SSX2IP: variants seen among roughly 807,000 people sequenced by gnomAD.
The protein encoded by SSX2IP is SSX family member 2 interacting protein, also known as afadin- and alpha-actinin-binding protein.
A neutral mutation model predicts 84.9 loss-of-function variants in SSX2IP; 55 were observed. The ratio of observed to expected loss-of-function variants is 0.65; its 90% CI spans 0.52 to 0.81. SSX2IP has a LOEUF of 0.81. Among genes scored for constraint, SSX2IP ranks in the 30% least tolerant of loss-of-function variants. SSX2IP has a pLI of 0.00. For missense variants in SSX2IP, 664 were observed against 705.2 expected (o/e 0.94, Z 0.66); for synonymous variants, 239 against 234.7 (o/e 1.02, Z -0.17).
At chr1:84,671,102 ATTATT>A (rs1455483811) in intron 2 of SSX2IP, 70 bp downstream of exon 2, 64 of 1,530,826 alleles carry the variant, frequency 4.2e-5, no homozygotes, top group Non-Finnish European at 5.4e-5. Context: ...ATCTGCAGTA[ATTATT>A]TTATATTTTC....
At chr1:84,685,072 G>T (rs933771017) in intron 1 of SSX2IP, among the ~76,000 whole-genome samples, 1 of 152,166 alleles carries the variant, frequency 6.6e-6, no homozygotes, top group South Asian at 2.1e-4. Flanking sequence ...ATGAGCCAAG[G>T]AATATAAACT....
At chr1:84,654,119 T>C (rs1484838264) in intron 11 of SSX2IP, among the ~76,000 whole-genome samples, 3 of 152,030 alleles carry the variant, frequency 2.0e-5, no homozygotes, top group Non-Finnish European at 2.9e-5. Context: ...CTAACAAAAG[T>C]TCCAGAACAC....
At position 84,670,790 on chromosome 1, in the gene SSX2IP, G is replaced by A. The variant is rs139478404; in HGVS notation, c.69C>T (p.Thr23=). The part of the protein sequence containing the change: ...SSESKTISQY[T]SETKMSPSSL... ...TTGATGGAGACATCTTTGTTTCTGA[G>A]GTATATTGAGAGATAGTTTTGCTTT... The change falls in exon 3 of 14, where the codon ACC becomes ACT. Residue 23 remains threonine (T), a synonymous_variant. Transcript: ENST00000342203. The A allele has an allele frequency of 1.9e-6, 3 of 1,608,958 alleles. No homozygotes were observed. Among genetic ancestry groups the A allele is most frequent in the Non-Finnish European group, 1.7e-6 (2 of 1,177,754 alleles).
intron 13 of SSX2IP, chr1:84,649,922 GGAACA>G: frequency 1.9e-6 from 1 of 537,342 alleles, no homozygotes; most frequent in Non-Finnish European, 3.7e-6. Context: ...TCACTCAACA[GGAACA>G]GGCTTTTCTC....
intron 1 of SSX2IP, among the ~76,000 whole-genome samples, chr1:84,682,847 C>G (rs1655270739): frequency 6.6e-6 from 1 of 152,014 alleles, no homozygotes; most frequent in Non-Finnish European, 1.5e-5. Flanking sequence ...TCTTTACAAC[C>G]CAATGTTTAG....
intron 12 of SSX2IP, 32 bp from the exon 13 acceptor site, chr1:84,650,559 T>C (rs1192826004): frequency 6.2e-6 from 10 of 1,611,876 alleles, no homozygotes; most frequent in Non-Finnish European, 8.5e-6. Flanking sequence ...AAAAAGGCAG[T>C]ACATATGGTG....
At chr1:84,676,836 C>T (rs1331808522) in intron 1 of SSX2IP, among the ~76,000 whole-genome samples, 2 of 149,112 alleles carry the variant, frequency 1.3e-5, no homozygotes, top group Non-Finnish European at 3.0e-5. Context: ...GATTCTCCTG[C>T]CTCAGCCTTC....
chr1:84,650,434 A>C lies in SSX2IP; in HGVS notation c.1598T>G (p.Leu533Arg). 1 of 1,614,206 alleles carries C rather than the reference A, an allele frequency of 6.2e-7. No homozygotes were observed. The highest frequency in any genetic ancestry group is 8.5e-7 in the Non-Finnish European group (1 of 1,180,028). The change falls in exon 13 of 14, where the codon CTT becomes CGT. Residue 533 changes from leucine (L) to arginine (R), a missense_variant. By Grantham distance (102) the Leu-to-Arg change is moderately radical (BLOSUM62 -2). Transcript: ENST00000342203. ...AGGTGAAGCAGGAAGAGATTTAGTA[A>C]GTTTAGACATGCAAACTGGAGACCC... is the stretch of plus-strand genomic sequence containing the variant. The part of the protein sequence containing the change: ...SNGSPVCMSK[L>R]TKSLPASPST...
chr1:84,674,271 C>T (rs1004439050), intron 1 of SSX2IP, among the ~76,000 whole-genome samples: 3 of 152,046 alleles, frequency 2.0e-5, no homozygotes, highest in Admixed American at 6.5e-5. Flanking sequence ...AGAAGACACA[C>T]ATAAGCTAAT....
chr1:84,684,905 A>C (rs1414044610), intron 1 of SSX2IP, among the ~76,000 whole-genome samples: 1 of 151,952 alleles, frequency 6.6e-6, no homozygotes, highest in African/African-American at 2.4e-5. Context: ...ACTATAAAAG[A>C]CACCGAGAGA....
rs901617954 is a variant in SSX2IP at position 84,677,253 on chromosome 1, G to A, written c.-89-5945C>T. On this transcript the variant is annotated intron_variant, in intron 1 of 13. Transcript: ENST00000342203. The stretch of plus-strand genomic sequence containing the variant: ...TACTTGTAAAATTGGTCTCTGCTTG[G>A]CCACAAACAATAGCTTTGTTCTTGT... Among the ~76,000 whole-genome samples, 5 of 152,152 alleles carry A rather than the reference G, an allele frequency of 3.3e-5. No homozygotes were observed. The East Asian group carries it at 9.7e-4, about 29-fold the overall frequency.
intron 6 of SSX2IP, among the ~76,000 whole-genome samples, chr1:84,664,109 G>A (rs1156626548): frequency 1.3e-5 from 2 of 152,158 alleles, no homozygotes; most frequent in Non-Finnish European, 1.5e-5. Flanking sequence ...AACTGACACT[G>A]ATTTTTAATA....
At chr1:84,688,416 T>G (rs934404131) in intron 1 of SSX2IP, among the ~76,000 whole-genome samples, 1 of 152,162 alleles carries the variant, frequency 6.6e-6, no homozygotes, top group Admixed American at 6.5e-5. Context: ...AAAAATAACT[T>G]AAAAATCTTT....
chr1:84,690,323 C>T (rs1327921214), intron 1 of SSX2IP, 48 bp downstream of exon 1: 1 of 151,010 alleles, frequency 6.6e-6, no homozygotes, highest in African/African-American at 2.4e-5. Flanking sequence ...GCCCGCCCCT[C>T]CCTGGCGGGG....
chr1:84,655,671 T>C (rs1421602181), intron 11 of SSX2IP, 161 bp downstream of exon 11: 3 of 1,477,078 alleles, frequency 2.0e-6, no homozygotes, highest in South Asian at 1.3e-5. Flanking sequence ...GATCCCATTC[T>C]ATATGCTCAG....
chr1:84,687,600 C>T (rs1655976869), intron 1 of SSX2IP, among the ~76,000 whole-genome samples: 1 of 152,192 alleles, frequency 6.6e-6, no homozygotes, highest in Non-Finnish European at 1.5e-5. Context: ...TTTCTGAGGG[C>T]TTCAGCAAAA....
At position 84,644,855 on chromosome 1, in the gene SSX2IP, C is replaced by G. The variant is rs996628839; in HGVS notation, c.*2578G>C. On this transcript the variant is annotated 3_prime_UTR_variant, in exon 14 of 14. Transcript: ENST00000342203. ...TTATGCCATGTAAGTAAACAATTTG[C>G]TGTGAACTGTCCTGTGTATCTAATC... 12 of 152,230 alleles carry G rather than the reference C, an allele frequency of 7.9e-5. No homozygotes were observed. The highest frequency in any genetic ancestry group is 2.9e-4 in the African/African-American group (12 of 41,448). The allele number at this position is 152,230 out of a possible 1,614,324, so 9.4% of individuals were successfully genotyped here. A position where few individuals can be genotyped will look rare whatever the true frequency, so the allele number is the denominator to read the frequency against.
At chr1:84,654,310 C>G (rs538363417) in intron 11 of SSX2IP, among the ~76,000 whole-genome samples, 13 of 151,910 alleles carry the variant, frequency 8.6e-5, no homozygotes, top group African/African-American at 1.7e-4. Context: ...CAAAGTAACA[C>G]AGGTATATTA....
chr1:84,650,360 A>T lies in SSX2IP; in HGVS notation c.1670+2T>A. The T allele has an allele frequency of 6.2e-7, 1 of 1,614,166 alleles. No individual in the cohort carries two copies. The highest frequency in any genetic ancestry group is 1.1e-5 in the South Asian group (1 of 91,086). On this transcript the variant is annotated splice_donor_variant, in intron 13 of 13. Transcript: ENST00000342203. LOFTEE classifies it high-confidence loss of function. ...GTGAAAAGATCACCTATAGACAAAT[A>T]CCTATGTTCAGATATGCAGGAACGT...
Sources: allele counts gnomAD v4.1 joint callset (sites outside exome capture counted in the v4.1 genomes callset), GRCh38; gene constraint gnomAD v4.1.1; transcripts MANE v1.5; gene names NCBI Gene and HGNC (gene_info 2026-07-23, HGNC 2026-07-21).